The following SGSM1 variants were observed in gnomAD, a reference collection of about 807,000 sequenced individuals.
The protein encoded by SGSM1 is RUN and TBC1 domain containing 2.
Under a neutral mutation model 133.8 loss-of-function variants are expected in SGSM1, and 73 were observed. The observed-to-expected ratio is 0.55, with a 90% CI of 0.45 to 0.66. The LOEUF (loss-of-function observed/expected upper bound fraction) is 0.66. SGSM1 is among the 30% of genes least tolerant of loss of function. The pLI, the probability that SGSM1 is intolerant of heterozygous loss-of-function variation, is 0.00. For missense variants in SGSM1, 1,213 were observed against 1,448.1 expected, an observed-to-expected ratio of 0.84 and a Z score of 2.64; for synonymous variants, 563 against 573.0, an observed-to-expected ratio of 0.98 and a Z score of 0.25.
chr22:24,847,371 C>G (rs190027165), intron 3 of SGSM1, among the ~76,000 whole-genome samples: 3 of 152,154 alleles, frequency 2.0e-5, no homozygotes, highest in Non-Finnish European at 4.4e-5. Context: ...AGTTTTGTCA[C>G]AAGAATTAGG....
intron 19 of SGSM1, 29 bp from the exon 20 acceptor site, chr22:24,901,804 C>T: frequency 6.2e-7 from 1 of 1,606,744 alleles, no homozygotes; most frequent in South Asian, 1.1e-5. Context: ...TCATTTCTTC[C>T]CCCTACCCCC....
intron 2 of SGSM1, among the ~76,000 whole-genome samples, chr22:24,836,175 G>A (rs916121468): frequency 1.3e-5 from 2 of 152,068 alleles, no homozygotes. Context: ...ACTACTCTAA[G>A]TACCTCTTAT....
chr22:24,924,002 G>C (rs938165842), intron 24 of SGSM1, among the ~76,000 whole-genome samples, 184 bp from the exon 25 acceptor site: 2 of 152,142 alleles, frequency 1.3e-5, no homozygotes, highest in Non-Finnish European at 2.9e-5. Flanking sequence ...GGTGGCTGCT[G>C]TTCCAATCCC....
chr22:24,825,475 G>A (rs1414710799), intron 2 of SGSM1, among the ~76,000 whole-genome samples: 5 of 152,168 alleles, frequency 3.3e-5, no homozygotes, highest in Non-Finnish European at 7.3e-5. Flanking sequence ...TGTCACCCAG[G>A]CTGAAGTGCA....
At chr22:24,833,989 C>T (rs1219615562) in intron 2 of SGSM1, among the ~76,000 whole-genome samples, 1 of 152,198 alleles carries the variant, frequency 6.6e-6, no homozygotes, top group Non-Finnish European at 1.5e-5. Context: ...TGCCACATGT[C>T]CTGAGCAAGC....
chr22:24,897,099 G>A (rs1369418206), intron 18 of SGSM1, among the ~76,000 whole-genome samples: 4 of 152,008 alleles, frequency 2.6e-5, no homozygotes, highest in East Asian at 1.9e-4. Flanking sequence ...TCAACTGCAC[G>A]CGGGGCGTGG....
intron 2 of SGSM1, among the ~76,000 whole-genome samples, chr22:24,820,912 A>C (rs1928430729): frequency 6.6e-6 from 1 of 152,212 alleles, no homozygotes; most frequent in African/African-American, 2.4e-5. Flanking sequence ...AGAAAACAGC[A>C]ATGCAGTGGG....
rs80103738 is a variant in SGSM1, at chr22:24,900,386, T to C, written c.2611-1447T>C. The stretch of plus-strand genomic sequence containing the variant: ...TTCTTTCTTTCTTTCTTTCTTTCTT[T>C]CTTTCTTTCTTTCTTTCTTTCTGTA... On this transcript the variant is annotated intron_variant, in intron 19 of 24. Transcript: ENST00000400358. 8.2e-4 allele frequency among the ~76,000 whole-genome samples: 61 copies of C among 74,238 alleles called. 2 individuals are homozygous for C. Among genetic ancestry groups the C allele is most frequent in the African/African-American group, 2.6e-3 (57 of 21,644 alleles). The allele number at this position is 74,238 out of a possible 152,430, so 48.7% of individuals were successfully genotyped here. A position where few individuals can be genotyped will look rare whatever the true frequency, so the allele number is the denominator to read the frequency against.
chr22:24,845,898 C>G (rs1478164790), intron 3 of SGSM1, among the ~76,000 whole-genome samples: 4 of 152,040 alleles, frequency 2.6e-5, no homozygotes, highest in East Asian at 1.9e-4. Context: ...ACCTCTGCTG[C>G]TTTCTTGTAA....
intron 14 of SGSM1, among the ~76,000 whole-genome samples, chr22:24,881,115 C>A (rs1329934578): frequency 8.2e-5 from 12 of 146,104 alleles, no homozygotes; most frequent in African/African-American, 3.0e-4. Context: ...ATCGCTTGAA[C>A]CCAGGAGGCA....
chr22:24,814,266 T>TA (rs1237925024), intron 2 of SGSM1: 7 of 118,734 alleles, frequency 5.9e-5, no homozygotes, highest in African/African-American at 8.6e-5. Context: ...GGATAAAGAT[T>TA]AAAAAAACAA....
intron 2 of SGSM1, among the ~76,000 whole-genome samples, chr22:24,835,215 A>G (rs540892409): frequency 9.2e-5 from 14 of 152,328 alleles, no homozygotes; most frequent in African/African-American, 2.9e-4. Context: ...AACTTGTTCC[A>G]GGGCAGCGGG....
At chr22:24,832,889 T>A (rs1929198036) in intron 2 of SGSM1, among the ~76,000 whole-genome samples, 1 of 151,760 alleles carries the variant, frequency 6.6e-6, no homozygotes, top group Non-Finnish European at 1.5e-5. Context: ...GTGGCCATCT[T>A]CTCCCTGATC....
At chr22:24,889,086 C>G (rs1002719398) in intron 16 of SGSM1, among the ~76,000 whole-genome samples, 1 of 151,686 alleles carries the variant, frequency 6.6e-6, no homozygotes, top group Non-Finnish European at 1.5e-5. Context: ...CTCAGCCTCC[C>G]CAGTAGCTGG....
chr22:24,861,822 A>T (rs1027741446), intron 9 of SGSM1, among the ~76,000 whole-genome samples: 5 of 147,274 alleles, frequency 3.4e-5, no homozygotes, highest in East Asian at 4.0e-4. Context: ...GGTTATTTTT[A>T]TTTTTTTTTA....
At chr22:24,806,414 C>A in intron 1 of SGSM1, 27 bp from the exon 2 acceptor site, 1 of 1,522,458 alleles carries the variant, frequency 6.6e-7, no homozygotes, top group African/African-American at 1.4e-5. Context: ...CTCGGCTGAC[C>A]CGCGGCTCTC....
chr22:24,837,958 A>G (rs904344251), intron 2 of SGSM1, among the ~76,000 whole-genome samples: 2 of 152,220 alleles, frequency 1.3e-5, no homozygotes, highest in African/African-American at 4.8e-5. Flanking sequence ...ATTTTATTAT[A>G]CTGGAACAGC....
intron 21 of SGSM1, among the ~76,000 whole-genome samples, chr22:24,910,194 A>AGAGAT (rs1933567616): frequency 1.3e-5 from 2 of 152,270 alleles, no homozygotes; most frequent in African/African-American, 4.8e-5. Flanking sequence ...TGGGGGAGAA[A>AGAGAT]GAGATGTGAA....
intron 8 of SGSM1, chr22:24,855,925 C>T: frequency 1.5e-6 from 1 of 678,036 alleles, no homozygotes; most frequent in Non-Finnish European, 2.7e-6. Context: ...ATCCATCCAT[C>T]CACCCATCTT....
Sources: gnomAD v4.1 joint callset for allele counts (sites outside exome capture counted in the v4.1 genomes callset) on GRCh38, gnomAD v4.1.1 for gene constraint, MANE v1.5 for transcripts, NCBI Gene and HGNC (gene_info 2026-07-23, HGNC 2026-07-21) for gene names.